Variants in CNTNAP3B observed in about 807,000 individuals in gnomAD.
The protein encoded by CNTNAP3B is contactin associated protein family member 3B, also known as contactin-associated protein-like 3B.
CNTNAP3B carries 25 observed loss-of-function variants against 108.9 expected under a neutral mutation model. The ratio of observed to expected loss-of-function variants is 0.23; its 90% CI spans 0.17 to 0.32. The LOEUF (loss-of-function observed/expected upper bound fraction) is 0.32, where lower values mean the gene tolerates loss of function less well. Among genes scored for constraint, CNTNAP3B ranks in the 10% least tolerant of loss-of-function variants. The pLI, the probability that CNTNAP3B is intolerant of heterozygous loss-of-function variation, is 1.00. For missense variants in CNTNAP3B, 252 were observed against 1,210.4 expected, an observed-to-expected ratio of 0.21 and a Z score of 11.75; for synonymous variants, 103 against 473.4, an observed-to-expected ratio of 0.22 and a Z score of 10.16.
chr9:42,058,204 A>G (rs1271436312), intron 3 of CNTNAP3B, among the ~76,000 whole-genome samples: 2 of 151,506 alleles, frequency 1.3e-5, no homozygotes, highest in Non-Finnish European at 2.9e-5. Context: ...AGACATACTG[A>G]TTTAATTTCC....
Position 42,079,559 on chromosome 9 carries a change from G to T in CNTNAP3B, c.197-2497C>A, listed in dbSNP as rs1335783720. On this transcript the variant is annotated intron_variant, in intron 2 of 23. Transcript: ENST00000377561. ...TTGTTTTGAGATGGAGTCTCACTCT[G>T]TCACCAGCCTGGAGTGCAGTGGCGA... Among the ~76,000 whole-genome samples the T allele has an allele frequency of 7.0e-5, 9 of 129,284 alleles. 1 individual carries two copies. The East Asian group carries it at 2.3e-3, about 33-fold the overall frequency. 84.8% of individuals were successfully genotyped at this position (129,284 alleles called of 152,430 possible). A position where few individuals can be genotyped will look rare whatever the true frequency, so the allele number is the denominator to read the frequency against.
At position 42,129,278 on chromosome 9, in the gene CNTNAP3B, C is replaced by T; in HGVS notation, c.-184G>A. 2 of 759,698 alleles carry T rather than the reference C, an allele frequency of 2.6e-6. No individual in the cohort carries two copies. The highest frequency in any genetic ancestry group is 3.5e-6 in the Non-Finnish European group (2 of 574,570). The allele number at this position is 759,698 out of a possible 1,614,324, so 47.1% of individuals were successfully genotyped here. ...CCTCCCTCGGCGCTGCAGACCCTCC[C>T]GCCAAGCCGCGCCCGGCCCCAGCTG... On this transcript the variant is annotated 5_prime_UTR_variant, in exon 1 of 24. Transcript: ENST00000377561.
chr9:42,024,643 TA>T (rs1826382810), intron 3 of CNTNAP3B, among the ~76,000 whole-genome samples: 1 of 80,508 alleles, frequency 1.2e-5, no homozygotes, highest in Admixed American at 1.3e-4. Context: ...CAGAAGAAAT[TA>T]CAGAATACAT....
At chr9:42,041,659 C>T (rs1826759194) in intron 3 of CNTNAP3B, among the ~76,000 whole-genome samples, 2 of 143,502 alleles carry the variant, frequency 1.4e-5, no homozygotes, top group Non-Finnish European at 3.0e-5. Context: ...ACTAGTTCAA[C>T]CATTGTGGAA....
chr9:41,958,033 A>G (rs1344194348), intron 12 of CNTNAP3B, among the ~76,000 whole-genome samples: 1 of 152,292 alleles, frequency 6.6e-6, no homozygotes, highest in Non-Finnish European at 1.5e-5. Flanking sequence ...CAGTGCTGGG[A>G]TTACAGGCGT....
At chr9:42,061,132 A>T in intron 3 of CNTNAP3B, among the ~76,000 whole-genome samples, 1 of 65,130 alleles carries the variant, frequency 1.5e-5, no homozygotes, top group Admixed American at 1.8e-4. Context: ...TTCCTTGCTG[A>T]TGTAGGCCAT....
intron 13 of CNTNAP3B, among the ~76,000 whole-genome samples, chr9:41,944,049 T>C (rs1824449487): frequency 6.6e-6 from 1 of 151,674 alleles, no homozygotes; most frequent in Non-Finnish European, 1.5e-5. Flanking sequence ...ATATTTAAAC[T>C]GTTGAGAGAA....
chr9:41,940,765 A>AG (rs1322515238), intron 13 of CNTNAP3B, among the ~76,000 whole-genome samples: 1 of 152,062 alleles, frequency 6.6e-6, no homozygotes, highest in Non-Finnish European at 1.5e-5. Context: ...CAGTGAGCCG[A>AG]GATTGTGCCA....
rs1470703217 is a variant in CNTNAP3B, at chr9:41,983,850, C to T, written c.1477+2318G>A. On this transcript the variant is annotated intron_variant, in intron 9 of 23. Transcript: ENST00000377561. ...GAATCACAAGGTCAGGAGATCGAGACCATCCTGGCTAACATGGTGAAAACC... is the reference window on the plus strand; with the variant it reads ...GAATCACAAGGTCAGGAGATCGAGATCATCCTGGCTAACATGGTGAAAACC... 3 of 90,818 alleles carry T rather than the reference C, an allele frequency of 3.3e-5. 1 individual carries two copies. The highest frequency in any genetic ancestry group is 1.3e-4 in the African/African-American group (3 of 23,670). The allele number at this position is 90,818 out of a possible 1,614,324, so 5.6% of individuals were successfully genotyped here.
At chr9:41,959,552 C>T (rs1185209836) in intron 12 of CNTNAP3B, among the ~76,000 whole-genome samples, 1 of 152,304 alleles carries the variant, frequency 6.6e-6, no homozygotes, top group Non-Finnish European at 1.5e-5. Context: ...TTGATATCCA[C>T]CAAGACCATT....
chr9:41,990,264 CAT>C (rs1172752767), intron 8 of CNTNAP3B, among the ~76,000 whole-genome samples: 1 of 135,488 alleles, frequency 7.4e-6, no homozygotes, highest in Non-Finnish European at 1.6e-5. Flanking sequence ...AAATCTCTGA[CAT>C]GTGTTCATTC....
At chr9:42,056,747 T>C (rs1827081650) in intron 3 of CNTNAP3B, among the ~76,000 whole-genome samples, 1 of 128,450 alleles carries the variant, frequency 7.8e-6, no homozygotes, top group Non-Finnish European at 1.6e-5. Flanking sequence ...TCCATTGATG[T>C]GTAAGAGCAC....
intron 2 of CNTNAP3B, among the ~76,000 whole-genome samples, chr9:42,095,739 T>C (rs551451839): frequency 2.5e-4 from 34 of 138,362 alleles, no homozygotes; most frequent in Non-Finnish European, 4.3e-4. Context: ...GCCTGTCAGT[T>C]CGTGTCTGTA....
At chr9:41,954,624 T>C (rs1387892571) in intron 12 of CNTNAP3B, among the ~76,000 whole-genome samples, 5 of 152,294 alleles carry the variant, frequency 3.3e-5, no homozygotes, top group Non-Finnish European at 5.9e-5. Flanking sequence ...CCTATGGTAA[T>C]TTCAATTCCA....
At chr9:41,944,042 T>C (rs1824449291) in intron 13 of CNTNAP3B, among the ~76,000 whole-genome samples, 1 of 151,784 alleles carries the variant, frequency 6.6e-6, no homozygotes, top group African/African-American at 2.4e-5. Context: ...AAGTGAAATA[T>C]TTAAACTGTT....
At chr9:42,076,403 G>T (rs1445130452) in intron 3 of CNTNAP3B, among the ~76,000 whole-genome samples, 1 of 132,554 alleles carries the variant, frequency 7.5e-6, no homozygotes, top group Non-Finnish European at 1.6e-5. Flanking sequence ...TCTAGTCTGG[G>T]TGATAACAGC....
At chr9:41,921,635 A>AT (rs1002865960) in intron 17 of CNTNAP3B, among the ~76,000 whole-genome samples, 1 of 152,304 alleles carries the variant, frequency 6.6e-6, no homozygotes, top group Admixed American at 6.5e-5. Context: ...AGCAAAATAT[A>AT]TTTTTCCCAA....
intron 15 of CNTNAP3B, among the ~76,000 whole-genome samples, chr9:41,928,367 C>T (rs1367254680): frequency 6.6e-6 from 1 of 152,078 alleles, no homozygotes; most frequent in Non-Finnish European, 1.5e-5. Flanking sequence ...AGGTTTGCAT[C>T]TCAGATGAGG....
chr9:42,063,054 A>G lies in CNTNAP3B; in HGVS notation c.390+13815T>C, dbSNP rs1180583770. ...CTGTAATAAATGTTACTTAAAAACTACCACCACAGTTTTAAAATTTGACTT... is the reference window on the plus strand; with the variant it reads ...CTGTAATAAATGTTACTTAAAAACTGCCACCACAGTTTTAAAATTTGACTT... On this transcript the variant is annotated intron_variant, in intron 3 of 23. Coordinates refer to ENST00000377561, the MANE Select transcript of CNTNAP3B (RefSeq NM_001201380.3). Among the ~76,000 whole-genome samples the G allele has an allele frequency of 2.0e-5, 2 of 101,624 alleles. 1 individual carries two copies. The highest frequency in any genetic ancestry group is 7.3e-5 in the African/African-American group (2 of 27,376). The allele number at this position is 101,624 out of a possible 152,430, so 66.7% of individuals were successfully genotyped here. A position where few individuals can be genotyped will look rare whatever the true frequency, so the allele number is the denominator to read the frequency against.
Sources: gnomAD v4.1 joint callset for allele counts (sites outside exome capture counted in the v4.1 genomes callset) on GRCh38, gnomAD v4.1.1 for gene constraint, MANE v1.5 for transcripts, NCBI Gene and HGNC (gene_info 2026-07-23, HGNC 2026-07-21) for gene names.